The following FLYWCH1 variants were observed in gnomAD, a reference collection of about 807,000 sequenced individuals.
FLYWCH1 encodes FLYWCH-type zinc finger 1, also known as FLYWCH-type zinc finger-containing protein 1.
Under a neutral mutation model 66.4 loss-of-function variants are expected in FLYWCH1, and 75 were observed. That is an observed-to-expected ratio of 1.13 (90% confidence interval 0.94 to 1.37). The LOEUF is 1.37. FLYWCH1 is among the 40% of genes most tolerant of loss of function. The probability of loss-of-function intolerance (pLI) is 0.00; values close to 1 mark genes in which losing one functional copy is unlikely to be tolerated. For missense variants in FLYWCH1, 1,334 were observed against 1,001.8 expected (o/e 1.33, Z -4.48); for synonymous variants, 595 against 429.9 (o/e 1.38, Z -4.75).
chr16:2,934,073 C>T (rs760408613), intron 6 of FLYWCH1, 94 bp downstream of exon 6: 70 of 1,366,318 alleles, frequency 5.1e-5, no homozygotes, highest in Non-Finnish European at 5.7e-5. Context: ...CCCTGGCAAA[C>T]GTCCTCTTCC....
In FLYWCH1 at chr16:2,933,232, T is replaced by G. The variant is rs1205188733; in HGVS notation, c.899T>G (p.Val300Gly). 1 of 1,612,448 alleles carries G rather than the reference T, an allele frequency of 6.2e-7. No homozygotes were observed. Among genetic ancestry groups the G allele is most frequent in the Non-Finnish European group, 8.5e-7 (1 of 1,179,554 alleles). ...YKREKAVGDK[V>G]YWTCRDHALH... Reference sequence around the variant, plus strand: ...CGGGAGAAGGCTGTCGGGGACAAGGTGTATTGGACCTGCCGGGACCACGCG... The same window carrying G: ...CGGGAGAAGGCTGTCGGGGACAAGGGGTATTGGACCTGCCGGGACCACGCG... Residue 300 changes from valine to glycine, a missense_variant, in exon 5 of 10, where the codon GTG (valine) becomes GGG (glycine). Transcript: ENST00000253928.
chr16:2,941,440 G>T (rs1168678027), intron 9 of FLYWCH1, among the ~76,000 whole-genome samples: 1 of 152,134 alleles, frequency 6.6e-6, no homozygotes, highest in Non-Finnish European at 1.5e-5. Context: ...AACATGGTGA[G>T]ACCTCGTCTC....
chr16:2,921,724 CG>C (rs1482587697), intron 2 of FLYWCH1, among the ~76,000 whole-genome samples: 3 of 149,514 alleles, frequency 2.0e-5, no homozygotes, highest in African/African-American at 7.4e-5. Context: ...CACCACACTC[CG>C]GTTTAGGCTG....
chr16:2,937,824 G>GGGGTAGGCTGAA (rs2071081104), intron 7 of FLYWCH1, among the ~76,000 whole-genome samples: 1 of 152,148 alleles, frequency 6.6e-6, no homozygotes, highest in Admixed American at 6.5e-5. Flanking sequence ...AGCTGGCTGA[G>GGGGTAGGCTGAA]GGGTAGGTGG....
chr16:2,942,337 G>A (rs1394896437), intron 9 of FLYWCH1, among the ~76,000 whole-genome samples: 4 of 151,832 alleles, frequency 2.6e-5, no homozygotes, highest in Non-Finnish European at 5.9e-5. Flanking sequence ...TAGTAGAAAC[G>A]GGGTTTTCCC....
At chr16:2,919,019 C>G (rs1300423411) in intron 2 of FLYWCH1, among the ~76,000 whole-genome samples, 2 of 151,968 alleles carry the variant, frequency 1.3e-5, no homozygotes, top group East Asian at 3.9e-4. Flanking sequence ...ATGATCTCGG[C>G]TCACTGCAAC....
At chr16:2,934,662 G>A in intron 6 of FLYWCH1, 1 of 456,886 alleles carries the variant, frequency 2.2e-6, no homozygotes, top group Non-Finnish European at 4.4e-6. Context: ...GCAGCTTTTG[G>A]GTCATGTGAG....
In FLYWCH1 at chr16:2,937,680, G is replaced by A. The variant is rs374032984; in HGVS notation, c.1777+296G>A. On this transcript the variant is annotated intron_variant, in intron 7 of 9. Transcript: ENST00000253928. ...CAGAGAGTGCTTGGCATCTGCTGAC[G>A]GGCCGTACGGTGGATCCTGGACACT... Among the ~76,000 whole-genome samples, 21 of 152,232 alleles carry A rather than the reference G, an allele frequency of 1.4e-4. No individual in the cohort carries two copies. In the South Asian group the frequency reaches 2.1e-3, roughly 15 times the overall value.
chr16:2,941,820 AG>A (rs1485891280), intron 9 of FLYWCH1, among the ~76,000 whole-genome samples: 1 of 152,012 alleles, frequency 6.6e-6, no homozygotes, highest in African/African-American at 2.4e-5. Context: ...CACGGGTTCA[AG>A]ACCAGCCTGA....
Position 2,929,574 on chromosome 16 carries a change from G to C in FLYWCH1, c.-73-39G>C, listed in dbSNP as rs532453452. On this transcript the variant is annotated intron_variant, in intron 2 of 9. Transcript: ENST00000253928. ...CAGATCCACGTCTAGAGTCCCCCAA[G>C]GGCTTCCACCACTGACGGGATTTTG... 644 of 1,363,234 alleles carry C rather than the reference G, an allele frequency of 4.7e-4. 11 individuals carry two copies. The South Asian group carries it at 8.7e-3, about 18-fold the overall frequency. The allele number at this position is 1,363,234 out of a possible 1,614,324, so 84.4% of individuals were successfully genotyped here.
In FLYWCH1 at chr16:2,933,115, G is replaced by A; in HGVS notation, c.797-15G>A. ...TCCACCCCTGGTGATGTGACCACTT[G>A]GGTCTCTCCTCTAGGACAGGCCCGG... is the stretch of plus-strand genomic sequence containing the variant. On this transcript the variant is annotated splice_polypyrimidine_tract_variant and intron_variant, in intron 4 of 9. Transcript: ENST00000253928. The A allele has an allele frequency of 2.5e-6, 4 of 1,606,390 alleles. No individual in the cohort carries two copies. Among genetic ancestry groups the A allele is most frequent in the Non-Finnish European group, 3.4e-6 (4 of 1,175,624 alleles).
intron 6 of FLYWCH1, chr16:2,936,077 T>C: frequency 4.1e-6 from 1 of 246,562 alleles, no homozygotes. Context: ...GCCCAGCTAA[T>C]TTTTTGTATT....
chr16:2,926,811 TGGG>T (rs1180575126), intron 2 of FLYWCH1, among the ~76,000 whole-genome samples: 2 of 152,148 alleles, frequency 1.3e-5, no homozygotes, highest in South Asian at 2.1e-4. Context: ...TCATCAAAAT[TGGG>T]GGGAAAAGTG....
intron 8 of FLYWCH1, among the ~76,000 whole-genome samples, chr16:2,939,538 C>CAGCCTGGCCAACATGGTGACACCT: frequency 9.2e-6 from 1 of 108,620 alleles, no homozygotes; most frequent in Non-Finnish European, 2.3e-5. Context: ...TGGTGAAACC[C>CAGCCTGGCCAACATGGTGACACCT]TGTCTCTAAA....
intron 4 of FLYWCH1, 112 bp from the exon 5 acceptor site, chr16:2,933,018 A>C (rs944269100): frequency 3.1e-6 from 3 of 964,114 alleles, no homozygotes; most frequent in African/African-American, 3.3e-5. Flanking sequence ...GCCAGGGTAA[A>C]TTTCAGCCTT....
intron 9 of FLYWCH1, among the ~76,000 whole-genome samples, chr16:2,941,721 TAAA>T (rs371110260): frequency 7.0e-6 from 1 of 143,774 alleles, no homozygotes; most frequent in Non-Finnish European, 1.5e-5. Flanking sequence ...ATAGAAAAAC[TAAA>T]AAAAAAAGAA....
intron 4 of FLYWCH1, among the ~76,000 whole-genome samples, chr16:2,931,159 CG>C (rs1397664365): frequency 4.0e-5 from 6 of 151,724 alleles, no homozygotes; most frequent in Non-Finnish European, 7.4e-5. Flanking sequence ...AACACTTAGC[CG>C]GGCATGCTGG....
intron 2 of FLYWCH1, among the ~76,000 whole-genome samples, chr16:2,916,374 G>A (rs1217768517): frequency 6.6e-6 from 1 of 150,518 alleles, no homozygotes; most frequent in Non-Finnish European, 1.5e-5. Flanking sequence ...GGTGGCTCAC[G>A]CCTGTAATCC....
chr16:2,945,953 C>T (rs576910375), intron 9 of FLYWCH1, among the ~76,000 whole-genome samples: 9 of 151,604 alleles, frequency 5.9e-5, no homozygotes, highest in African/African-American at 1.7e-4. Flanking sequence ...GCCGAGATTG[C>T]GACACTGCAC....
Sources: allele counts gnomAD v4.1 joint callset (sites outside exome capture counted in the v4.1 genomes callset), GRCh38; gene constraint gnomAD v4.1.1; transcripts MANE v1.5; gene names NCBI Gene and HGNC (gene_info 2026-07-23, HGNC 2026-07-21).